Variants in NXN observed in about 807,000 individuals in gnomAD.
NXN encodes nucleoredoxin.
A neutral mutation model predicts 48.6 loss-of-function variants in NXN; 16 were observed. That is an observed-to-expected ratio of 0.33 (90% CI 0.22 to 0.50). NXN has a LOEUF of 0.50. NXN is among the 20% of genes least tolerant of loss of function. NXN has a pLI of 0.98. For missense variants in NXN, 492 were observed against 605.5 expected (o/e 0.81, Z 1.97); for synonymous variants, 281 against 269.6 (o/e 1.04, Z -0.41).
chr17:839,032 G>A (rs553484289), intron 1 of NXN, among the ~76,000 whole-genome samples: 1 of 152,330 alleles, frequency 6.6e-6, no homozygotes, highest in South Asian at 2.1e-4. Flanking sequence ...ACCTCTCGGA[G>A]TGTCACTTTC....
chr17:920,238 G>GCC lies in NXN; in HGVS notation c.360+59079_360+59080dup. On this transcript the variant is annotated intron_variant, in intron 1 of 7. Transcript: ENST00000336868. This position sits in a 1 kb window ranked among gnomAD's most constrained non-coding sequence, Gnocchi z 4.6. ...CCAACATTACAAACTTATCAATGCT[G>GCC]CCTCCTGTCATCTCCCCCCGCCCCT... Among the ~76,000 whole-genome samples the GCC allele has an allele frequency of 6.6e-6, 1 of 152,214 alleles. No homozygotes were observed. Among genetic ancestry groups the GCC allele is most frequent in the African/African-American group, 2.4e-5 (1 of 41,530 alleles).
intron 1 of NXN, among the ~76,000 whole-genome samples, chr17:934,230 G>A (rs1170782280): frequency 6.6e-6 from 1 of 151,972 alleles, no homozygotes; most frequent in Non-Finnish European, 1.5e-5. Context: ...CGGATCACGA[G>A]GTCAGGAGAT....
Position 920,379 on chromosome 17 carries a change from G to A in NXN, c.360+58940C>T, listed in dbSNP as rs540247935. ...GCTCTCCTCCCAGCCCCGAGCGCCTGGGGATACCTAGGCCCTCCTGTCATG... is the reference window on the plus strand; with the variant it reads ...GCTCTCCTCCCAGCCCCGAGCGCCTAGGGATACCTAGGCCCTCCTGTCATG... On this transcript the variant is annotated intron_variant, in intron 1 of 7. Transcript: ENST00000336868. The surrounding 1 kb of genome is among the most constrained non-coding windows in gnomAD (Gnocchi z 4.6). Among the ~76,000 whole-genome samples, 71 of 151,290 alleles carry A rather than the reference G, an allele frequency of 4.7e-4. No homozygotes were observed. The highest frequency in any genetic ancestry group is 9.6e-4 in the Non-Finnish European group (65 of 67,952).
chr17:961,388 A>AG (rs72307084), intron 1 of NXN, among the ~76,000 whole-genome samples: 478 of 93,192 alleles, frequency 5.1e-3, no homozygotes, highest in East Asian at 0.032. Context: ...CCGTCTCAAG[A>AG]AAAAAAAAAA....
chr17:801,397 T>A (rs928178660), intron 7 of NXN, among the ~76,000 whole-genome samples: 1 of 150,650 alleles, frequency 6.6e-6, no homozygotes, highest in African/African-American at 2.4e-5. Context: ...TTTATTAGCA[T>A]CAACACCATT....
At chr17:916,412 G>A (rs150812206) in intron 1 of NXN, among the ~76,000 whole-genome samples, 1,529 of 152,168 alleles carry the variant, frequency 0.01, 31 homozygotes, top group African/African-American at 0.034. Context: ...CTTGTTTTAC[G>A]TAAAATTAAC....
intron 1 of NXN, among the ~76,000 whole-genome samples, chr17:887,532 C>T (rs2068362327): frequency 6.6e-6 from 1 of 152,152 alleles, no homozygotes; most frequent in Admixed American, 6.6e-5. Context: ...CACTAATACC[C>T]CACAGCTTAC....
At chr17:826,373 G>A (rs1394806384) in intron 1 of NXN, among the ~76,000 whole-genome samples, 3 of 152,132 alleles carry the variant, frequency 2.0e-5, no homozygotes, top group Non-Finnish European at 4.4e-5. Context: ...TGACCCCACT[G>A]GCCCCCATAG....
At chr17:871,684 T>A (rs1317367573) in intron 1 of NXN, among the ~76,000 whole-genome samples, 1 of 152,122 alleles carries the variant, frequency 6.6e-6, no homozygotes, top group Non-Finnish European at 1.5e-5. Flanking sequence ...GGTACAGGCA[T>A]GAGCCACCGC....
intron 1 of NXN, among the ~76,000 whole-genome samples, chr17:843,104 GAAC>G (rs1169103445): frequency 2.0e-5 from 3 of 152,104 alleles, no homozygotes; most frequent in Non-Finnish European, 2.9e-5. Flanking sequence ...TGAAGTCAAT[GAAC>G]AACAACAAAT....
At position 932,175 on chromosome 17, in the gene NXN, T is replaced by C. The variant is rs1483320438; in HGVS notation, c.360+47144A>G. 6.6e-6 allele frequency among the ~76,000 whole-genome samples: 1 copy of C among 152,130 alleles called. No homozygotes were observed. Among genetic ancestry groups the C allele is most frequent in the Non-Finnish European group, 1.5e-5 (1 of 68,010 alleles). On this transcript the variant is annotated intron_variant, in intron 1 of 7. Transcript: ENST00000336868. The surrounding 1 kb of genome is among the most constrained non-coding windows in gnomAD (Gnocchi z 4.1). ...AAAACAAAACGAACAATTTTAGAAA[T>C]GTTTAATTATTTGGAATCCTGGAAA...
At chr17:883,682 G>A (rs905259612) in intron 1 of NXN, among the ~76,000 whole-genome samples, 5 of 152,204 alleles carry the variant, frequency 3.3e-5, no homozygotes, top group African/African-American at 9.6e-5. Flanking sequence ...CAGTGGTCAC[G>A]GTCCCATCAT....
At chr17:827,264 G>C (rs1220424447) in intron 1 of NXN, among the ~76,000 whole-genome samples, 1 of 151,860 alleles carries the variant, frequency 6.6e-6, no homozygotes, top group Non-Finnish European at 1.5e-5. Context: ...GGATCATGAG[G>C]TCAGGAGATC....
rs368934642 is a variant in NXN, at chr17:919,839, G to A, written c.360+59480C>T. On this transcript the variant is annotated intron_variant, in intron 1 of 7. Coordinates refer to ENST00000336868, the MANE Select transcript of NXN (RefSeq NM_022463.5). The surrounding 1 kb of genome is among the most constrained non-coding windows in gnomAD (Gnocchi z 5.1). ...ATCTTGGCGGACCACACTGGTATGCGACCTCATCTAGCTACATAGCTACAC... is the reference window on the plus strand; with the variant it reads ...ATCTTGGCGGACCACACTGGTATGCAACCTCATCTAGCTACATAGCTACAC... 1.7e-4 allele frequency among the ~76,000 whole-genome samples: 26 copies of A among 152,060 alleles called. No homozygotes were observed. The highest frequency in any genetic ancestry group is 6.3e-4 in the African/African-American group (26 of 41,382).
intron 1 of NXN, 31 bp downstream of exon 1, chr17:979,288 G>A (rs749798489): frequency 1.4e-6 from 2 of 1,435,800 alleles, no homozygotes; most frequent in Non-Finnish European, 9.2e-7. Context: ...GTGGGGGGCG[G>A]GCAGGGGCCG....
intron 1 of NXN, among the ~76,000 whole-genome samples, chr17:928,895 A>G (rs1251103853): frequency 2.6e-5 from 4 of 152,222 alleles, no homozygotes; most frequent in African/African-American, 9.6e-5. Flanking sequence ...GCAGATATCA[A>G]GAAGACTAGC....
At chr17:947,206 C>G (rs2069053331) in intron 1 of NXN, among the ~76,000 whole-genome samples, 1 of 152,130 alleles carries the variant, frequency 6.6e-6, no homozygotes, top group African/African-American at 2.4e-5. Flanking sequence ...GGCTGAAAAA[C>G]CGTCACAGGA....
intron 1 of NXN, among the ~76,000 whole-genome samples, chr17:844,978 C>A (rs895034822): frequency 3.3e-5 from 5 of 152,142 alleles, no homozygotes; most frequent in African/African-American, 1.2e-4. Flanking sequence ...GAGGACAGGA[C>A]ACCAGGGCTC....
At position 801,691 on chromosome 17, in the gene NXN, A is replaced by C. The variant is rs569385882; in HGVS notation, c.1126-560T>G. Among the ~76,000 whole-genome samples, 5 of 152,202 alleles carry C rather than the reference A, an allele frequency of 3.3e-5. No homozygotes were observed. In the South Asian group the frequency reaches 1.0e-3, roughly 32 times the overall value. The stretch of plus-strand genomic sequence containing the variant: ...ACTCCTGACCTCAGGTGATCCGCCT[A>C]CCTTGGCCTCCCAAAGTGCTAGGAT... On this transcript the variant is annotated intron_variant, in intron 7 of 7. Transcript: ENST00000336868.
Sources: allele counts gnomAD v4.1 joint callset (sites outside exome capture counted in the v4.1 genomes callset), GRCh38; gene constraint gnomAD v4.1.1; non-coding constraint Gnocchi (gnomAD v3.1); transcripts MANE v1.5; gene names NCBI Gene and HGNC (gene_info 2026-07-23, HGNC 2026-07-21).